SOX5: variants seen among roughly 807,000 people sequenced by gnomAD.
The protein encoded by SOX5 is transcription factor SOX-5.
In SOX5, 9 loss-of-function variants were observed where a neutral mutation model predicts 92.0. That is an observed-to-expected ratio of 0.10 (90% CI 0.06 to 0.17). SOX5 has a LOEUF of 0.17. Among genes scored for constraint, SOX5 ranks in the 10% least tolerant of loss-of-function variants. The pLI, the probability that SOX5 is intolerant of heterozygous loss-of-function variation, is 1.00. For synonymous variants in SOX5, 344 were observed against 336.3 expected, an observed-to-expected ratio of 1.02 and a Z score of -0.25; for missense variants, 642 against 944.5, an observed-to-expected ratio of 0.68 and a Z score of 4.20.
chr12:23,941,294 G>C (rs1177468986), intron 1 of SOX5, among the ~76,000 whole-genome samples: 1 of 151,340 alleles, frequency 6.6e-6, no homozygotes, highest in Non-Finnish European at 1.5e-5. Context: ...CCATCACTTT[G>C]ATTCTTTAAA....
At chr12:23,626,929 A>G (rs1483236961) in intron 8 of SOX5, among the ~76,000 whole-genome samples, 1 of 152,108 alleles carries the variant, frequency 6.6e-6, no homozygotes, top group Non-Finnish European at 1.5e-5. Flanking sequence ...GAACTCCCAC[A>G]AGCTTAGCAT....
chr12:23,893,605 T>C (rs1341571988), intron 2 of SOX5, among the ~76,000 whole-genome samples: 1 of 152,218 alleles, frequency 6.6e-6, no homozygotes, highest in Non-Finnish European at 1.5e-5. Flanking sequence ...GGTATTCTTC[T>C]AGTCATAATT....
chr12:24,230,064 T>C (rs1419919783), intron 3 of SOX5, among the ~76,000 whole-genome samples: 1 of 152,158 alleles, frequency 6.6e-6, no homozygotes, highest in Non-Finnish European at 1.5e-5. Context: ...AAACAACTGA[T>C]TTCTCTCATT....
In SOX5 at chr12:23,593,744, A is replaced by T. The variant is rs191047458; in HGVS notation, c.1164+10643T>A. Reference sequence around the variant, plus strand: ...AATAAATTTTATAAAAGTTTTACAGAAGTTTTTGGTGTTTTTCTTTGTTAA... The same window carrying T: ...AATAAATTTTATAAAAGTTTTACAGTAGTTTTTGGTGTTTTTCTTTGTTAA... On this transcript the variant is annotated intron_variant, in intron 9 of 14. Coordinates refer to ENST00000451604, the MANE Select transcript of SOX5 (RefSeq NM_006940.6). 4.6e-5 allele frequency among the ~76,000 whole-genome samples: 7 copies of T among 152,180 alleles called. No individual in the cohort carries two copies. In the South Asian group the frequency reaches 8.3e-4, roughly 18 times the overall value.
At chr12:23,690,520 C>A (rs1593314193) in intron 6 of SOX5, among the ~76,000 whole-genome samples, 1 of 152,158 alleles carries the variant, frequency 6.6e-6, no homozygotes, top group African/African-American at 2.4e-5. Context: ...TACTTATTTC[C>A]AATGTTGTAA....
At position 23,563,340 on chromosome 12, in the gene SOX5, T is replaced by G. The variant is rs1487027295; in HGVS notation, c.1406A>C (p.Gln469Pro). 1 of 1,613,962 alleles carries G rather than the reference T, an allele frequency of 6.2e-7. No individual in the cohort carries two copies. Among genetic ancestry groups the G allele is most frequent in the Non-Finnish European group, 8.5e-7 (1 of 1,179,950 alleles). The change falls in exon 11 of 15, where the codon CAA becomes CCA. Residue 469 changes from glutamine (Q) to proline (P), a missense_variant. Around this residue, in one of 8 missense-constraint regions of SOX5, gnomAD observed 324 missense variants for 461.6 expected, o/e 0.70. Coordinates refer to ENST00000451604, the MANE Select transcript of SOX5 (RefSeq NM_006940.6). ...AIQEARQMKEQLRREQQVLDG... is the reference protein window; with the variant it reads ...AIQEARQMKEPLRREQQVLDG... ...AAGCACCTGTTGTTCCCGTCGGAGTTGCTCCTTCATTTGCCGAGCTTCTTG... is the reference window on the plus strand; with the variant it reads ...AAGCACCTGTTGTTCCCGTCGGAGTGGCTCCTTCATTTGCCGAGCTTCTTG...
chr12:24,211,818 T>C (rs901788229), intron 4 of SOX5, among the ~76,000 whole-genome samples: 7 of 152,216 alleles, frequency 4.6e-5, no homozygotes, highest in Admixed American at 3.9e-4. Flanking sequence ...ATCTATGAGA[T>C]GTTTGTCCCT....
chr12:24,403,983 C>A (rs1962345215), intron 1 of SOX5, among the ~76,000 whole-genome samples: 3 of 152,154 alleles, frequency 2.0e-5, no homozygotes, highest in South Asian at 2.1e-4. Flanking sequence ...GTTTCCAAAT[C>A]ACTATAATAA....
At chr12:23,794,667 C>T (rs989895473) in intron 3 of SOX5, among the ~76,000 whole-genome samples, 5 of 152,058 alleles carry the variant, frequency 3.3e-5, no homozygotes, top group Non-Finnish European at 5.9e-5. Flanking sequence ...CGTTTAAAAA[C>T]TATTTCTGTA....
chr12:23,908,943 C>G (rs1334930203), intron 1 of SOX5, among the ~76,000 whole-genome samples: 1 of 151,872 alleles, frequency 6.6e-6, no homozygotes, highest in Non-Finnish European at 1.5e-5. Flanking sequence ...ATTAATCTTT[C>G]TAGTTTTAGC....
chr12:24,137,919 G>A (rs969733053), intron 4 of SOX5, among the ~76,000 whole-genome samples: 6 of 152,310 alleles, frequency 3.9e-5, no homozygotes, highest in Non-Finnish European at 7.4e-5. Context: ...TCCCTGATAT[G>A]CTATATCTTT....
chr12:24,506,963 TG>T (rs1406253024), intron 1 of SOX5, among the ~76,000 whole-genome samples: 1 of 151,708 alleles, frequency 6.6e-6, no homozygotes, highest in Non-Finnish European at 1.5e-5. Context: ...GCTAATTTTT[TG>T]TATTTTTAGT....
chr12:24,374,354 G>C (rs1375653388), intron 1 of SOX5, among the ~76,000 whole-genome samples: 1 of 152,100 alleles, frequency 6.6e-6, no homozygotes, highest in Non-Finnish European at 1.5e-5. Context: ...ATCTAACCTG[G>C]TGAGAGAGAA....
intron 12 of SOX5, among the ~76,000 whole-genome samples, chr12:23,544,267 C>CTT (rs1339766904): frequency 6.6e-6 from 1 of 152,090 alleles, no homozygotes; most frequent in African/African-American, 2.4e-5. Flanking sequence ...TATGTGACCC[C>CTT]TTAGAATGGC....
intron 11 of SOX5, among the ~76,000 whole-genome samples, chr12:23,551,390 A>G (rs1299108361): frequency 6.6e-6 from 1 of 151,854 alleles, no homozygotes; most frequent in African/African-American, 2.4e-5. Context: ...TTGCTTATTA[A>G]TATCTCAATT....
At chr12:23,711,134 A>G (rs1226319087) in intron 6 of SOX5, among the ~76,000 whole-genome samples, 1 of 152,224 alleles carries the variant, frequency 6.6e-6, no homozygotes, top group Non-Finnish European at 1.5e-5. Flanking sequence ...ATTTTCAAAA[A>G]GAGTCTATTT....
chr12:23,636,403 C>T (rs1334783188), intron 8 of SOX5, among the ~76,000 whole-genome samples: 4 of 152,160 alleles, frequency 2.6e-5, no homozygotes, highest in African/African-American at 7.2e-5. Context: ...TGCTTTAAAG[C>T]ATATCATTTT....
chr12:24,525,347 C>T (rs546951286), intron 1 of SOX5, among the ~76,000 whole-genome samples: 7 of 152,232 alleles, frequency 4.6e-5, no homozygotes, highest in African/African-American at 1.4e-4. Context: ...TTCCTAGAAT[C>T]AGAGTGGAAT....
chr12:23,966,848 G>A (rs1947643123), intron 4 of SOX5, among the ~76,000 whole-genome samples: 3 of 152,096 alleles, frequency 2.0e-5, no homozygotes, highest in African/African-American at 4.8e-5. Flanking sequence ...CAATAGTGTT[G>A]TTTATAAACT....
Sources: gnomAD v4.1 joint callset for allele counts (sites outside exome capture counted in the v4.1 genomes callset) on GRCh38, gnomAD v4.1.1 for gene constraint, gnomAD v4.1.1 regional missense constraint, MANE v1.5 for transcripts, NCBI Gene and HGNC (gene_info 2026-07-23, HGNC 2026-07-21) for gene names.